MAML2: variants seen among roughly 807,000 people sequenced by gnomAD.
MAML2 encodes the protein mastermind-like protein 2.
MAML2 carries 22 observed loss-of-function variants against 96.1 expected under a neutral mutation model. The observed-to-expected ratio is 0.23, with a 90% CI of 0.16 to 0.33. The LOEUF (loss-of-function observed/expected upper bound fraction) is 0.33, where lower values mean the gene tolerates loss of function less well. Among genes scored for constraint, MAML2 ranks in the 10% least tolerant of loss-of-function variants. The pLI is 1.00. For missense variants in MAML2, 1,367 were observed against 1,392.4 expected, an observed-to-expected ratio of 0.98 and a Z score of 0.29; for synonymous variants, 561 against 521.3, an observed-to-expected ratio of 1.08 and a Z score of -1.04.
chr11:96,125,476 A>G (rs905636504), intron 1 of MAML2, among the ~76,000 whole-genome samples: 2 of 152,190 alleles, frequency 1.3e-5, no homozygotes, highest in Non-Finnish European at 2.9e-5. Context: ...TCAGTTTTAC[A>G]AAAGAGAATC....
Position 96,119,874 on chromosome 11 carries a change from G to A in MAML2, c.514-26357C>T, listed in dbSNP as rs143683478. On this transcript the variant is annotated intron_variant, in intron 1 of 4. Coordinates refer to ENST00000524717, the MANE Select transcript of MAML2 (RefSeq NM_032427.4). ...AACAGAATGCAAGTTCAATGAGAGGGCATAGGCCCTAAATTTGCTCACCAT... is the reference window on the plus strand; with the variant it reads ...AACAGAATGCAAGTTCAATGAGAGGACATAGGCCCTAAATTTGCTCACCAT... Among the ~76,000 whole-genome samples, 524 of 152,150 alleles carry A rather than the reference G, an allele frequency of 3.4e-3. 4 individuals carry two copies. The highest frequency in any genetic ancestry group is 0.012 in the African/African-American group (497 of 41,500).
In MAML2 at chr11:96,342,223, C is replaced by T. The variant is rs190163209; in HGVS notation, c.-328G>A. 3.1e-4 allele frequency: 146 copies of T among 465,574 alleles called. 1 individual carries two copies. Among genetic ancestry groups the T allele is most frequent in the Admixed American group, 2.4e-3 (63 of 26,480 alleles). 28.8% of individuals were successfully genotyped at this position (465,574 alleles called of 1,614,324 possible). On this transcript the variant is annotated 5_prime_UTR_variant, in exon 1 of 5. Transcript: ENST00000524717. ...TTTTCCTCCACCAAGCTGACAAGAG[C>T]CACTAGGTACTTTGTAAACACACGA... is the stretch of plus-strand genomic sequence containing the variant.
intron 1 of MAML2, among the ~76,000 whole-genome samples, chr11:96,185,437 G>T (rs939986087): frequency 6.6e-6 from 1 of 152,134 alleles, no homozygotes; most frequent in African/African-American, 2.4e-5. Flanking sequence ...TTTCCAGGGA[G>T]GCTCGACCAT....
intron 1 of MAML2, among the ~76,000 whole-genome samples, chr11:96,271,906 G>A (rs187377191): frequency 1.1e-4 from 17 of 152,030 alleles, no homozygotes; most frequent in East Asian, 7.7e-4. Context: ...TCTCTCCTTC[G>A]CTTACTGCTC....
intron 2 of MAML2, among the ~76,000 whole-genome samples, chr11:96,022,813 C>T (rs969813284): frequency 2.0e-5 from 3 of 151,740 alleles, no homozygotes; most frequent in African/African-American, 2.4e-5. Flanking sequence ...AAGCACTTGG[C>T]CCATTATAAA....
chr11:96,324,354 G>C (rs565409285), intron 1 of MAML2, among the ~76,000 whole-genome samples: 1 of 152,130 alleles, frequency 6.6e-6, no homozygotes, highest in African/African-American at 2.4e-5. Flanking sequence ...TTAGAAGAGT[G>C]CCAAACATGA....
intron 1 of MAML2, among the ~76,000 whole-genome samples, chr11:96,301,035 A>G (rs1863379605): frequency 6.6e-6 from 1 of 152,226 alleles, no homozygotes; most frequent in Admixed American, 6.5e-5. Flanking sequence ...ATAAACACTC[A>G]ATAACTGTTC....
At chr11:96,167,391 C>A (rs1861211764) in intron 1 of MAML2, among the ~76,000 whole-genome samples, 1 of 152,164 alleles carries the variant, frequency 6.6e-6, no homozygotes, top group African/African-American at 2.4e-5. Context: ...CACTTTATGC[C>A]TTCCACACTG....
intron 1 of MAML2, among the ~76,000 whole-genome samples, chr11:96,219,082 C>T (rs1862094484): frequency 6.6e-6 from 1 of 152,208 alleles, no homozygotes; most frequent in African/African-American, 2.4e-5. Flanking sequence ...GGCCATCCGG[C>T]TCCGGGTCTA....
chr11:96,251,923 G>A (rs886983916), intron 1 of MAML2, among the ~76,000 whole-genome samples: 5 of 151,856 alleles, frequency 3.3e-5, no homozygotes, highest in African/African-American at 7.3e-5. Context: ...TAGTAGAGAC[G>A]GGGTTTCACC....
chr11:96,007,333 G>A (rs925137880), intron 2 of MAML2, among the ~76,000 whole-genome samples: 14 of 151,978 alleles, frequency 9.2e-5, no homozygotes, highest in Middle Eastern at 3.4e-3. Context: ...TTTTAAAGGC[G>A]TTTTTCTTCT....
Position 95,979,379 on chromosome 11 carries a change from C to T in MAML2, c.3040G>A (p.Val1014Met), listed in dbSNP as rs1238845953. Residue 1014 changes from valine (V) to methionine (M), a missense_variant, in exon 5 of 5, where the codon GTG (valine) becomes ATG (methionine). Coordinates refer to ENST00000524717, the MANE Select transcript of MAML2 (RefSeq NM_032427.4). ...VGSQQFSQRA[V>M]APPNQLTPAV... is the part of the protein sequence containing the mutation. Reference sequence around the variant, plus strand: ...GGTGTTAACTGGTTAGGAGGAGCCACTGCCCTCTGGGAAAATTGCTGGCTA... The same window carrying T: ...GGTGTTAACTGGTTAGGAGGAGCCATTGCCCTCTGGGAAAATTGCTGGCTA... 6.2e-7 allele frequency: 1 copy of T among 1,613,698 alleles called. No homozygotes were observed. Among genetic ancestry groups the T allele is most frequent in the South Asian group, 1.1e-5 (1 of 91,016 alleles).
At chr11:96,186,311 C>T (rs945269469) in intron 1 of MAML2, among the ~76,000 whole-genome samples, 7 of 152,148 alleles carry the variant, frequency 4.6e-5, no homozygotes, top group African/African-American at 9.7e-5. Context: ...GGATGAAGGC[C>T]GGGTGCAGTG....
intron 1 of MAML2, among the ~76,000 whole-genome samples, chr11:96,232,857 C>G (rs1273061404): frequency 6.6e-6 from 1 of 152,176 alleles, no homozygotes; most frequent in Non-Finnish European, 1.5e-5. Context: ...ATTAGAACCA[C>G]AAATTGGGCC....
intron 1 of MAML2, among the ~76,000 whole-genome samples, chr11:96,165,048 C>A (rs1024991392): frequency 6.6e-6 from 1 of 152,208 alleles, no homozygotes; most frequent in Non-Finnish European, 1.5e-5. Flanking sequence ...GATCTATCTA[C>A]CATCTGTAGA....
At chr11:96,143,932 T>C (rs988011210) in intron 1 of MAML2, among the ~76,000 whole-genome samples, 1 of 152,194 alleles carries the variant, frequency 6.6e-6, no homozygotes, top group Non-Finnish European at 1.5e-5. Flanking sequence ...TAATTACACA[T>C]TTTATTTCAA....
chr11:96,256,384 C>T (rs1213278311), intron 1 of MAML2, among the ~76,000 whole-genome samples: 1 of 152,166 alleles, frequency 6.6e-6, no homozygotes, highest in African/African-American at 2.4e-5. Flanking sequence ...CCACGCTGAT[C>T]TCGAAGTTCC....
intron 4 of MAML2, among the ~76,000 whole-genome samples, chr11:95,983,763 A>G (rs1857781513): frequency 6.6e-6 from 1 of 152,188 alleles, no homozygotes; most frequent in Non-Finnish European, 1.5e-5. Flanking sequence ...GAGAAGAAAT[A>G]TTTTTGTACA....
chr11:96,068,275 A>G (rs1565204520), intron 2 of MAML2, among the ~76,000 whole-genome samples: 2 of 152,172 alleles, frequency 1.3e-5, no homozygotes, highest in Non-Finnish European at 2.9e-5. Flanking sequence ...TACTACAATA[A>G]TTGACCTGGG....
Sources: gnomAD v4.1 joint callset for allele counts (sites outside exome capture counted in the v4.1 genomes callset) on GRCh38, gnomAD v4.1.1 for gene constraint, MANE v1.5 for transcripts, NCBI Gene and HGNC (gene_info 2026-07-23, HGNC 2026-07-21) for gene names.